The following SDK1 variants were observed in gnomAD, a reference collection of about 807,000 sequenced individuals.
SDK1 encodes sidekick cell adhesion molecule 1.
Under a neutral mutation model 245.5 loss-of-function variants are expected in SDK1, and 157 were observed. The observed-to-expected ratio is 0.64, with a 90% CI of 0.56 to 0.73. SDK1 has a LOEUF of 0.73. Among genes scored for constraint, SDK1 ranks in the 30% least tolerant of loss-of-function variants. The pLI, the probability that SDK1 is intolerant of heterozygous loss-of-function variation, is 0.00. For synonymous variants in SDK1, 1,647 were observed against 1,278.5 expected, an observed-to-expected ratio of 1.29 and a Z score of -6.15; for missense variants, 3,583 against 3,002.3, an observed-to-expected ratio of 1.19 and a Z score of -4.52.
chr7:3,416,647 AG>A (rs1206166681), intron 1 of SDK1, among the ~76,000 whole-genome samples: 1 of 152,034 alleles, frequency 6.6e-6, no homozygotes, highest in Non-Finnish European at 1.5e-5. Flanking sequence ...AAATCAGTTC[AG>A]GTTTGCTCTG....
At chr7:4,195,436 C>T (rs908371340) in intron 35 of SDK1, among the ~76,000 whole-genome samples, 1 of 152,112 alleles carries the variant, frequency 6.6e-6, no homozygotes, top group Non-Finnish European at 1.5e-5. Flanking sequence ...TTTTCCCCGT[C>T]CCTCCCCCAC....
intron 4 of SDK1, among the ~76,000 whole-genome samples, chr7:3,760,881 C>T (rs770547889): frequency 6.6e-6 from 1 of 152,188 alleles, no homozygotes; most frequent in Non-Finnish European, 1.5e-5. Context: ...ACAGTTCATT[C>T]CTTTTAACGC....
chr7:4,198,188 G>C (rs946083326), intron 35 of SDK1, among the ~76,000 whole-genome samples: 2 of 152,192 alleles, frequency 1.3e-5, no homozygotes, highest in Non-Finnish European at 2.9e-5. Flanking sequence ...TGTAGCTCCT[G>C]TTTCCTGCAG....
At position 4,093,658 on chromosome 7, in the gene SDK1, C is replaced by T. The variant is rs144777888; in HGVS notation, c.3324+14074C>T. Among the ~76,000 whole-genome samples the T allele has an allele frequency of 6.9e-3, 1,046 of 152,292 alleles. 12 individuals carry two copies. The highest frequency in any genetic ancestry group is 0.012 in the African/African-American group (510 of 41,580). On this transcript the variant is annotated intron_variant, in intron 22 of 44. Transcript: ENST00000404826. ...CAGGCGTCCCCAGGACGCTTAGAGACGCCGAGGCTGCCGGCGGCGTCGACA... is the reference window on the plus strand; with the variant it reads ...CAGGCGTCCCCAGGACGCTTAGAGATGCCGAGGCTGCCGGCGGCGTCGACA...
intron 25 of SDK1, among the ~76,000 whole-genome samples, chr7:4,124,306 G>T (rs1784243962): frequency 1.3e-5 from 2 of 152,190 alleles, no homozygotes; most frequent in African/African-American, 2.4e-5. Context: ...TGAGCTGGAG[G>T]TGTTGGCAGG....
intron 35 of SDK1, among the ~76,000 whole-genome samples, chr7:4,194,313 C>G (rs10274693): frequency 0.039 from 4,487 of 115,000 alleles, 295 homozygotes; most frequent in African/African-American, 0.044. Context: ...TACATGTATA[C>G]ATATATGTAT....
chr7:3,338,508 G>T, intron 1 of SDK1: 2 of 460,470 alleles, frequency 4.3e-6, no homozygotes, highest in Admixed American at 2.5e-5. Flanking sequence ...TTCAGCTGAA[G>T]AGCCAGCCTG....
rs1780158580 is a variant in SDK1 at position 3,763,232 on chromosome 7, T to G, written c.714-58218T>G. On this transcript the variant is annotated intron_variant, in intron 4 of 44. Transcript: ENST00000404826. ...AAGCATAGTCTTATTTTTTCTAATC[T>G]TAGTACTTTTGATTGTTTAATATTT... Among the ~76,000 whole-genome samples the G allele has an allele frequency of 2.0e-5, 3 of 152,214 alleles. No homozygotes were observed. In the South Asian group the frequency reaches 6.2e-4, roughly 31 times the overall value.
At chr7:4,096,327 G>A (rs1782149153) in intron 22 of SDK1, among the ~76,000 whole-genome samples, 1 of 152,162 alleles carries the variant, frequency 6.6e-6, no homozygotes, top group African/African-American at 2.4e-5. Context: ...AGGGGAAGGT[G>A]AAGTTATTAC....
intron 32 of SDK1, among the ~76,000 whole-genome samples, chr7:4,167,379 G>C (rs897793371): frequency 1.3e-5 from 2 of 152,022 alleles, no homozygotes; most frequent in Non-Finnish European, 2.9e-5. Flanking sequence ...CTCCAGCCTG[G>C]CGACAGAGCA....
At chr7:3,843,634 A>G (rs1273583752) in intron 5 of SDK1, among the ~76,000 whole-genome samples, 1 of 152,226 alleles carries the variant, frequency 6.6e-6, no homozygotes, top group Non-Finnish European at 1.5e-5. Context: ...GTGGGCACTC[A>G]GACATTGTTA....
intron 20 of SDK1, among the ~76,000 whole-genome samples, chr7:4,074,916 A>ATAT (rs1434239449): frequency 2.6e-3 from 170 of 64,582 alleles, no homozygotes; most frequent in East Asian, 6.2e-3. Flanking sequence ...ATATATATAT[A>ATAT]TTTTTTTTTT....
chr7:3,460,207 A>G (rs1036328846), intron 1 of SDK1, among the ~76,000 whole-genome samples: 12 of 152,196 alleles, frequency 7.9e-5, no homozygotes, highest in Non-Finnish European at 1.8e-4. Flanking sequence ...AAGTTATAGA[A>G]TGGAGCCAAC....
Position 3,890,644 on chromosome 7 carries a change from TA to T in SDK1, c.848-60265del, listed in dbSNP as rs751434855. On this transcript the variant is annotated intron_variant, in intron 5 of 44. Coordinates refer to ENST00000404826, the MANE Select transcript of SDK1 (RefSeq NM_152744.4). ...ATATTGTATTTGTTTTTGCTGTGGT[TA>T]AAAAAAAAAAAAAGTAGCGGGTGTG... 9.0e-3 allele frequency among the ~76,000 whole-genome samples: 1,286 copies of T among 142,242 alleles called. 5 individuals carry two copies. The highest frequency in any genetic ancestry group is 0.016 in the African/African-American group (624 of 38,862). The allele number at this position is 142,242 out of a possible 152,430, so 93.3% of individuals were successfully genotyped here. A position where few individuals can be genotyped will look rare whatever the true frequency, so the allele number is the denominator to read the frequency against.
Position 3,962,870 on chromosome 7 carries a change from A to G in SDK1, c.1429+19A>G, listed in dbSNP as rs1465451579. 1 of 1,595,802 alleles carries G rather than the reference A, an allele frequency of 6.3e-7. No individual in the cohort carries two copies. The highest frequency in any genetic ancestry group is 8.5e-7 in the Non-Finnish European group (1 of 1,169,854). On this transcript the variant is annotated intron_variant, in intron 9 of 44. Transcript: ENST00000404826. ...GTAACCAGTGAGTACACCCAGGCCC[A>G]CAGCTACCTGACCTGGACGTATCCA...
chr7:4,237,534 T>A (rs1279878960), intron 41 of SDK1, 113 bp from the exon 42 acceptor site: 2 of 1,224,218 alleles, frequency 1.6e-6, no homozygotes, highest in Admixed American at 3.6e-5. Flanking sequence ...TCATCTCACC[T>A]GTAACTGGGA....
intron 5 of SDK1, among the ~76,000 whole-genome samples, chr7:3,881,120 G>A (rs73294605): frequency 0.036 from 5,468 of 151,458 alleles, 290 homozygotes; most frequent in African/African-American, 0.12. Flanking sequence ...TTTAAGTTCC[G>A]GAGTGCTTGT....
In SDK1 at chr7:4,017,165, G is replaced by T. The variant is rs1786473284; in HGVS notation, c.2421-6G>T. 2 of 1,602,378 alleles carry T rather than the reference G, an allele frequency of 1.2e-6. No individual in the cohort carries two copies. The highest frequency in any genetic ancestry group is 2.7e-5 in the African/African-American group (2 of 74,598). ...CTTATCGTGATGGGCTTCCTTCGTGGCGCAGGTACCGCCTGGCTGGCCTTC... is the reference window on the plus strand; with the variant it reads ...CTTATCGTGATGGGCTTCCTTCGTGTCGCAGGTACCGCCTGGCTGGCCTTC... On this transcript the variant is annotated splice_polypyrimidine_tract_variant and splice_region_variant and intron_variant, in intron 16 of 44. Coordinates refer to ENST00000404826, the MANE Select transcript of SDK1 (RefSeq NM_152744.4).
intron 4 of SDK1, among the ~76,000 whole-genome samples, chr7:3,771,383 G>C (rs1780402723): frequency 6.6e-6 from 1 of 152,184 alleles, no homozygotes; most frequent in Admixed American, 6.5e-5. Flanking sequence ...CTTCCTGAAG[G>C]CAGGAATTTC....
Sources: allele counts gnomAD v4.1 joint callset (sites outside exome capture counted in the v4.1 genomes callset), GRCh38; gene constraint gnomAD v4.1.1; transcripts MANE v1.5; gene names NCBI Gene and HGNC (gene_info 2026-07-23, HGNC 2026-07-21).